The following HCST variants were observed in gnomAD, a reference collection of about 807,000 sequenced individuals.
The protein encoded by HCST is DNAX-activation protein 10.
Under a neutral mutation model 10.8 loss-of-function variants are expected in HCST, and 12 were observed. The ratio of observed to expected loss-of-function variants is 1.12; its 90% confidence interval spans 0.72 to 1.81. HCST has a LOEUF of 1.81. Ranked by LOEUF, HCST falls within the 40% of genes most tolerant of loss-of-function variation. The probability of loss-of-function intolerance (pLI) is 0.00; values close to 1 mark genes in which losing one functional copy is unlikely to be tolerated. For synonymous variants in HCST, 59 were observed against 51.6 expected, an observed-to-expected ratio of 1.14 and a Z score of -0.61; for missense variants, 102 against 117.9, an observed-to-expected ratio of 0.87 and a Z score of 0.62.
At chr19:35,902,896 G>A (rs1975614600) in intron 1 of HCST, 1 of 516,156 alleles carries the variant, frequency 1.9e-6, no homozygotes, top group Non-Finnish European at 3.5e-6. Context: ...CACTCTCCAT[G>A]TCTCTGGGAG....
intron 2 of HCST, 49 bp from the exon 3 acceptor site, chr19:35,903,723 C>T (rs1477178528): frequency 1.2e-6 from 2 of 1,613,818 alleles, no homozygotes. Context: ...AGCACAGCCC[C>T]AGGACGCAGA....
chr19:35,904,357 A>AT lies in HCST; in HGVS notation c.*197_*198insT, dbSNP rs1975664163. On this transcript the variant is annotated 3_prime_UTR_variant, in exon 4 of 4. Coordinates refer to ENST00000246551, the MANE Select transcript of HCST (RefSeq NM_014266.4). ...TTTCTGGATCCAAGGCCCCCTCAGA[A>AT]CCCCCACATGTCCCCATCCCATCAG... 1 of 798,428 alleles carries AT rather than the reference A, an allele frequency of 1.3e-6. No individual in the cohort carries two copies. Among genetic ancestry groups the AT allele is most frequent in the African/African-American group, 1.7e-5 (1 of 58,374 alleles). 49.5% of individuals were successfully genotyped at this position (798,428 alleles called of 1,614,324 possible). A position where few individuals can be genotyped will look rare whatever the true frequency, so the allele number is the denominator to read the frequency against.
Position 35,904,303 on chromosome 19 carries a change from A to C in HCST, c.*143A>C. The C allele has an allele frequency of 1.0e-6, 1 of 965,498 alleles. No homozygotes were observed. The highest frequency in any genetic ancestry group is 1.6e-6 in the Non-Finnish European group (1 of 616,146). 59.8% of individuals were successfully genotyped at this position (965,498 alleles called of 1,614,324 possible). Reference sequence around the variant, plus strand: ...CGTATTCTTTCTCAAAGAACCCCAGAGTTCCCAAAGCCTCCCTCCCATGAA... The same window carrying C: ...CGTATTCTTTCTCAAAGAACCCCAGCGTTCCCAAAGCCTCCCTCCCATGAA... On this transcript the variant is annotated 3_prime_UTR_variant, in exon 4 of 4. Coordinates refer to ENST00000246551, the MANE Select transcript of HCST (RefSeq NM_014266.4).
At chr19:35,903,701 G>T in intron 2 of HCST, 71 bp from the exon 3 acceptor site, 1 of 1,610,544 alleles carries the variant, frequency 6.2e-7, no homozygotes, top group East Asian at 2.2e-5. Context: ...CTTCCTCTCT[G>T]CCTGTGGCCA....
At chr19:35,902,841 C>A (rs971726385) in intron 1 of HCST, 2 of 573,192 alleles carry the variant, frequency 3.5e-6, no homozygotes, top group Non-Finnish European at 6.2e-6. Context: ...CTGTTAGCGT[C>A]CCCTTCTCAT....
At position 35,904,261 on chromosome 19, in the gene HCST, A is replaced by G. The variant is rs535044925; in HGVS notation, c.*101A>G. ...CCAACTTTTGGATTGTAATAAAACA[A>G]TTGAAACACCTGTAGTCGTATTCTT... On this transcript the variant is annotated 3_prime_UTR_variant, in exon 4 of 4. Coordinates refer to ENST00000246551, the MANE Select transcript of HCST (RefSeq NM_014266.4). The G allele has an allele frequency of 8.3e-6, 10 of 1,200,708 alleles. No homozygotes were observed. In the Admixed American group the frequency reaches 1.3e-4, roughly 15 times the overall value. 74.4% of individuals were successfully genotyped at this position (1,200,708 alleles called of 1,614,324 possible).
At chr19:35,903,487 C>A in intron 2 of HCST, 71 bp downstream of exon 2, 3 of 1,318,014 alleles carry the variant, frequency 2.3e-6, no homozygotes, top group Non-Finnish European at 2.2e-6. Flanking sequence ...GGTCACCATC[C>A]CACCTCCCGT....
intron 1 of HCST, chr19:35,902,863 T>C: frequency 3.6e-6 from 2 of 550,222 alleles, no homozygotes; most frequent in South Asian, 4.4e-5. Flanking sequence ...GCTGGGTCTC[T>C]GCTGCCACTT....
chr19:35,903,260 G>A, intron 1 of HCST, 91 bp from the exon 2 acceptor site: 2 of 1,140,210 alleles, frequency 1.8e-6, no homozygotes, highest in Non-Finnish European at 1.3e-6. Context: ...CAAAGTGCTG[G>A]GATGACAGGC....
intron 1 of HCST, 139 bp downstream of exon 1, chr19:35,902,775 G>GTC: frequency 1.1e-6 from 1 of 873,502 alleles, no homozygotes; most frequent in East Asian, 2.5e-5. Flanking sequence ...TTCTGCTTCA[G>GTC]GGCCTGGGTC....
intron 2 of HCST, 155 bp from the exon 3 acceptor site, chr19:35,903,615 CCT>C: frequency 1.7e-6 from 2 of 1,158,904 alleles, no homozygotes; most frequent in South Asian, 2.8e-5. Flanking sequence ...GACACCCCAG[CCT>C]CTCTGCATCT....
intron 2 of HCST, 132 bp downstream of exon 2, chr19:35,903,548 C>G: frequency 1.9e-6 from 2 of 1,065,060 alleles, no homozygotes; most frequent in Non-Finnish European, 2.9e-6. Context: ...ATCAGCGACC[C>G]CCAGCCTGTG....
chr19:35,903,083 T>C, intron 1 of HCST: 1 of 467,062 alleles, frequency 2.1e-6, no homozygotes, highest in African/African-American at 2.0e-5. Flanking sequence ...CTTGACTTCC[T>C]GGGCTCAGGT....
chr19:35,904,023 C>T (rs1975655241), intron 3 of HCST, 97 bp from the exon 4 acceptor site: 1 of 1,591,564 alleles, frequency 6.3e-7, no homozygotes, highest in Non-Finnish European at 8.6e-7. Context: ...GGGGAGGTGC[C>T]TGGGGGAACC....
rs1975663103 is a variant in HCST at position 35,904,290 on chromosome 19, CA to C, written c.*133del. 3.8e-6 allele frequency: 4 copies of C among 1,052,056 alleles called. No homozygotes were observed. The highest frequency in any genetic ancestry group is 1.6e-5 in the African/African-American group (1 of 63,240). 65.2% of individuals were successfully genotyped at this position (1,052,056 alleles called of 1,614,324 possible). On this transcript the variant is annotated 3_prime_UTR_variant, in exon 4 of 4. Coordinates refer to ENST00000246551, the MANE Select transcript of HCST (RefSeq NM_014266.4). ...AAACACCTGTAGTCGTATTCTTTCTCAAAGAACCCCAGAGTTCCCAAAGCCT... is the reference window on the plus strand; with the variant it reads ...AAACACCTGTAGTCGTATTCTTTCTCAAGAACCCCAGAGTTCCCAAAGCCT...
intron 1 of HCST, 51 bp from the exon 2 acceptor site, chr19:35,903,300 G>A (rs1238132890): frequency 2.0e-6 from 3 of 1,528,600 alleles, no homozygotes; most frequent in Non-Finnish European, 1.8e-6. Flanking sequence ...TGAGCATTCT[G>A]TTTTGTGGAC....
In HCST at chr19:35,904,151, C is replaced by G; in HGVS notation, c.273C>G (p.Gly91=). The change falls in exon 4 of 4, where the codon GGC becomes GGG. Residue 91 remains glycine, a synonymous_variant. Transcript: ENST00000246551. ...EDGKVYINMP[G]RG ...GCAAAGTCTACATCAACATGCCAGG[C>G]AGGGGCTGACCCTCCTGCAGCTTGG... 5 of 1,614,148 alleles carry G rather than the reference C, an allele frequency of 3.1e-6. No homozygotes were observed. The highest frequency in any genetic ancestry group is 4.2e-6 in the Non-Finnish European group (5 of 1,179,974).
chr19:35,903,013 TG>T (rs1264694346), intron 1 of HCST: 6 of 419,138 alleles, frequency 1.4e-5, no homozygotes, highest in Non-Finnish European at 2.2e-5. Context: ...TATTTTGAGA[TG>T]GGGTCTTGCT....
chr19:35,902,858 G>T (rs1286007209), intron 1 of HCST: 6 of 553,358 alleles, frequency 1.1e-5, no homozygotes, highest in Non-Finnish European at 1.9e-5. Flanking sequence ...TCATGGCTGG[G>T]TCTCTGCTGC....
Sources: allele counts gnomAD v4.1 joint callset, GRCh38; gene constraint gnomAD v4.1.1; transcripts MANE v1.5; gene names NCBI Gene and HGNC (gene_info 2026-07-23, HGNC 2026-07-21).